NAPB: variants seen among roughly 807,000 people sequenced by gnomAD.
The protein encoded by NAPB is beta-soluble NSF attachment protein.
In NAPB, 26 loss-of-function variants were observed where a neutral mutation model predicts 44.7. The ratio of observed to expected loss-of-function variants is 0.58; its 90% CI spans 0.43 to 0.81. The LOEUF is 0.81. Among genes scored for constraint, NAPB ranks in the 30% least tolerant of loss-of-function variants. NAPB has a pLI of 0.00. For synonymous variants in NAPB, 120 were observed against 116.8 expected (o/e 1.03, Z -0.18); for missense variants, 315 against 356.4 (o/e 0.88, Z 0.94).
intron 1 of NAPB, among the ~76,000 whole-genome samples, chr20:23,419,074 T>C (rs1167537453): frequency 6.6e-6 from 1 of 152,238 alleles, no homozygotes; most frequent in Non-Finnish European, 1.5e-5. Flanking sequence ...TAATATCTCA[T>C]GGTCACTGTC....
At position 23,402,937 on chromosome 20, in the gene NAPB, C is replaced by T. The variant is rs1055684429; in HGVS notation, c.178+56G>A. 8 of 1,384,086 alleles carry T rather than the reference C, an allele frequency of 5.8e-6. No individual in the cohort carries two copies. The Admixed American group carries it at 1.2e-4, about 21-fold the overall frequency. 85.7% of individuals were successfully genotyped at this position (1,384,086 alleles called of 1,614,324 possible). A position where few individuals can be genotyped will look rare whatever the true frequency, so the allele number is the denominator to read the frequency against. Reference sequence around the variant, plus strand: ...TCAAGGGGAAAACAGTCATTTCTCCCTTCAAAGTGATTTTAAACCATTTGC... The same window carrying T: ...TCAAGGGGAAAACAGTCATTTCTCCTTTCAAAGTGATTTTAAACCATTTGC... On this transcript the variant is annotated intron_variant, in intron 2 of 10. Coordinates refer to ENST00000377026, the MANE Select transcript of NAPB (RefSeq NM_022080.3).
chr20:23,420,932 G>A (rs1044097062), intron 1 of NAPB, among the ~76,000 whole-genome samples: 1 of 150,506 alleles, frequency 6.6e-6, no homozygotes, highest in South Asian at 2.1e-4. Context: ...ATTCTAAGGG[G>A]GCGTGTTAGG....
Position 23,403,080 on chromosome 20 carries a change from A to C in NAPB, c.99-8T>G, listed in dbSNP as rs775745868. The C allele has an allele frequency of 6.2e-7, 1 of 1,608,212 alleles. No homozygotes were observed. Among genetic ancestry groups the C allele is most frequent in the Admixed American group, 1.7e-5 (1 of 59,330 alleles). The stretch of plus-strand genomic sequence containing the variant: ...TCTATTCTTGTGTTTCCTCTGAGAA[A>C]AAGTTAAAAATTAGATTTTTAACAA... On this transcript the variant is annotated splice_region_variant and splice_polypyrimidine_tract_variant and intron_variant, in intron 1 of 10. Transcript: ENST00000377026.
intron 5 of NAPB, among the ~76,000 whole-genome samples, chr20:23,392,452 G>A (rs1379627846): frequency 1.3e-5 from 2 of 152,078 alleles, no homozygotes; most frequent in Non-Finnish European, 2.9e-5. Context: ...GACTGCTTGA[G>A]TCCAGGAGTT....
chr20:23,414,788 G>C (rs1252923182), intron 1 of NAPB, among the ~76,000 whole-genome samples: 1 of 152,134 alleles, frequency 6.6e-6, no homozygotes, highest in Admixed American at 6.5e-5. Context: ...AATCTAAGAA[G>C]AGTATATGAA....
At chr20:23,408,666 A>G (rs1364443111) in intron 1 of NAPB, among the ~76,000 whole-genome samples, 2 of 152,252 alleles carry the variant, frequency 1.3e-5, no homozygotes, top group Admixed American at 1.3e-4. Context: ...TTAAAACAGT[A>G]CAAATCTTTT....
chr20:23,391,123 AACATGGTGAAACCCTGTCTCT>A (rs1483904622), intron 5 of NAPB, among the ~76,000 whole-genome samples: 1 of 152,192 alleles, frequency 6.6e-6, no homozygotes, highest in African/African-American at 2.4e-5. Flanking sequence ...TAGCCTGGCC[AACATGGTGAAACCCTGTCTCT>A]ACTAAAAAGA....
At chr20:23,383,784 G>C (rs1375000066) in intron 7 of NAPB, among the ~76,000 whole-genome samples, 1 of 152,158 alleles carries the variant, frequency 6.6e-6, no homozygotes, top group Non-Finnish European at 1.5e-5. Flanking sequence ...AATATAACAG[G>C]CTTTCTTTCT....
At chr20:23,408,015 G>A (rs938836354) in intron 1 of NAPB, among the ~76,000 whole-genome samples, 2 of 152,182 alleles carry the variant, frequency 1.3e-5, no homozygotes, top group African/African-American at 4.8e-5. Context: ...GTACCTCAAA[G>A]AAAAAGGCTG....
chr20:23,395,938 A>G (rs1488333668), intron 3 of NAPB, among the ~76,000 whole-genome samples: 1 of 152,236 alleles, frequency 6.6e-6, no homozygotes, highest in Non-Finnish European at 1.5e-5. Flanking sequence ...TAGAAAGGTA[A>G]GCAGATGAAC....
intron 7 of NAPB, 58 bp downstream of exon 7, chr20:23,389,888 T>G (rs1252411991): frequency 1.3e-6 from 2 of 1,491,842 alleles, no homozygotes; most frequent in East Asian, 4.5e-5. Context: ...AAATAAAAAG[T>G]TTAATTTTGA....
In NAPB at chr20:23,376,931, C is replaced by T. The variant is rs1380464467; in HGVS notation, c.*445G>A. 1.3e-5 allele frequency: 2 copies of T among 152,350 alleles called. No homozygotes were observed. Among genetic ancestry groups the T allele is most frequent in the African/African-American group, 2.4e-5 (1 of 41,444 alleles). 9.4% of individuals were successfully genotyped at this position (152,350 alleles called of 1,614,324 possible). On this transcript the variant is annotated 3_prime_UTR_variant, in exon 11 of 11. Coordinates refer to ENST00000377026, the MANE Select transcript of NAPB (RefSeq NM_022080.3). ...AAATGATTTCTAATGAAGTTATAAA[C>T]TCATTCCTAGTAACTGTCCTAAACT...
At chr20:23,403,123 T>C in intron 1 of NAPB, 51 bp from the exon 2 acceptor site, 1 of 1,286,020 alleles carries the variant, frequency 7.8e-7, no homozygotes, top group South Asian at 1.2e-5. Flanking sequence ...CATCTCTAAT[T>C]CTCCCTCCCT....
chr20:23,397,232 C>T (rs750004981), intron 2 of NAPB, 44 bp from the exon 3 acceptor site: 3 of 1,575,428 alleles, frequency 1.9e-6, no homozygotes, highest in South Asian at 1.1e-5. Flanking sequence ...CAAGTCCCCC[C>T]CAGAGCAGCC....
In NAPB at chr20:23,420,614, T is replaced by G. The variant is rs113910004; in HGVS notation, c.98+691A>C. ...TCACCCGGACCGGTCTCAGGAGCGA[T>G]ACGGGCTTCAGCGTGGCGAAATGCA... On this transcript the variant is annotated intron_variant, in intron 1 of 10. Coordinates refer to ENST00000377026, the MANE Select transcript of NAPB (RefSeq NM_022080.3). 6.4e-3 allele frequency among the ~76,000 whole-genome samples: 974 copies of G among 152,088 alleles called. 9 individuals carry two copies. The highest frequency in any genetic ancestry group is 0.022 in the African/African-American group (896 of 41,528).
intron 1 of NAPB, among the ~76,000 whole-genome samples, chr20:23,405,831 A>G (rs1469438232): frequency 6.6e-6 from 1 of 152,254 alleles, no homozygotes. Context: ...GCGCAATATG[A>G]GCAGTCACAG....
intron 7 of NAPB, 42 bp downstream of exon 7, chr20:23,389,904 T>C: frequency 1.3e-6 from 2 of 1,551,978 alleles, no homozygotes; most frequent in Non-Finnish European, 1.8e-6. Flanking sequence ...TTTGAAAAAT[T>C]ATTCAGACAA....
At chr20:23,383,434 C>T (rs961259986) in intron 7 of NAPB, among the ~76,000 whole-genome samples, 4 of 151,418 alleles carry the variant, frequency 2.6e-5, no homozygotes, top group Admixed American at 1.3e-4. Context: ...CAATGGAGGC[C>T]GACTAGGCGT....
chr20:23,421,426 C>A lies in NAPB; in HGVS notation c.-24G>T. 2 of 1,538,538 alleles carry A rather than the reference C, an allele frequency of 1.3e-6. No individual in the cohort carries two copies. The highest frequency in any genetic ancestry group is 1.4e-5 in the African/African-American group (1 of 71,804). On this transcript the variant is annotated 5_prime_UTR_variant, in exon 1 of 11. Transcript: ENST00000377026. ...ATGTCGCCCGCCGCGGCCGCCACAG[C>A]CCCCTCAGCCGGCTCGCTGTGCGCC...
Sources: gnomAD v4.1 joint callset for allele counts (sites outside exome capture counted in the v4.1 genomes callset) on GRCh38, gnomAD v4.1.1 for gene constraint, MANE v1.5 for transcripts, NCBI Gene and HGNC (gene_info 2026-07-23, HGNC 2026-07-21) for gene names.